Variants in SLCO1A2 observed in about 807,000 individuals in gnomAD.
The protein encoded by SLCO1A2 is OATP-1.
In SLCO1A2, 67 loss-of-function variants were observed where a neutral mutation model predicts 69.0. The observed-to-expected ratio is 0.97, with a 90% CI of 0.80 to 1.19. The LOEUF (loss-of-function observed/expected upper bound fraction) is 1.19. Among genes scored for constraint, SLCO1A2 ranks in the 50% most tolerant of loss-of-function variants. SLCO1A2 has a pLI of 0.00. For synonymous variants in SLCO1A2, 260 were observed against 265.9 expected, an observed-to-expected ratio of 0.98 and a Z score of 0.22; for missense variants, 787 against 793.7, an observed-to-expected ratio of 0.99 and a Z score of 0.10.
intron 1 of SLCO1A2, among the ~76,000 whole-genome samples, chr12:21,401,571 G>A (rs1472716679): frequency 6.6e-6 from 1 of 151,500 alleles, no homozygotes; most frequent in African/African-American, 2.4e-5. Context: ...TAATTTTATT[G>A]AGATACTAAT....
At chr12:21,274,049 T>C (rs959202189) in intron 14 of SLCO1A2, 4 of 152,808 alleles carry the variant, frequency 2.6e-5, no homozygotes, top group African/African-American at 9.7e-5. Flanking sequence ...AGGGAGAAAA[T>C]ATATGATTTT....
At chr12:21,301,306 T>C (rs779236405) in intron 6 of SLCO1A2, 37 bp from the exon 7 acceptor site, 57 of 1,407,620 alleles carry the variant, frequency 4.0e-5, no homozygotes, top group Non-Finnish European at 4.5e-5. Context: ...ATAGTACAGT[T>C]ATATGCCCAC....
At chr12:21,385,962 A>G (rs897621241) in intron 1 of SLCO1A2, among the ~76,000 whole-genome samples, 1 of 152,232 alleles carries the variant, frequency 6.6e-6, no homozygotes, top group Admixed American at 6.5e-5. Flanking sequence ...CCCTTGGAGT[A>G]CCCAGATATT....
intron 2 of SLCO1A2, among the ~76,000 whole-genome samples, chr12:21,347,140 A>T (rs576494905): frequency 6.6e-6 from 1 of 152,198 alleles, no homozygotes; most frequent in African/African-American, 2.4e-5. Flanking sequence ...CTGAGAAAAA[A>T]TTAGAAAAAA....
At chr12:21,416,386 A>ACG (rs397784242) in intron 1 of SLCO1A2, among the ~76,000 whole-genome samples, 32 of 151,048 alleles carry the variant, frequency 2.1e-4, no homozygotes, top group Non-Finnish European at 3.7e-4. Flanking sequence ...ACACACACAC[A>ACG]AAAGACAATA....
At chr12:21,270,172 T>C (rs1247920908) in intron 14 of SLCO1A2, among the ~76,000 whole-genome samples, 1 of 151,826 alleles carries the variant, frequency 6.6e-6, no homozygotes, top group Non-Finnish European at 1.5e-5. Flanking sequence ...TAGATGACCT[T>C]GATCAGATTA....
intron 1 of SLCO1A2, among the ~76,000 whole-genome samples, chr12:21,410,861 T>C (rs1941896676): frequency 6.6e-6 from 1 of 152,208 alleles, no homozygotes; most frequent in Non-Finnish European, 1.5e-5. Context: ...TTCATATGTT[T>C]ATTGGCTATT....
intron 2 of SLCO1A2, among the ~76,000 whole-genome samples, chr12:21,341,624 G>A (rs1214780855): frequency 6.6e-6 from 1 of 151,938 alleles, no homozygotes; most frequent in Non-Finnish European, 1.5e-5. Flanking sequence ...AAACTGGCCT[G>A]AGGCAGCCAT....
Position 21,312,113 on chromosome 12 carries a change from T to C in SLCO1A2, c.335+2436A>G, listed in dbSNP as rs538874835. ...AGGAAGGAGAAGAAGAAGAAGGCTG[T>C]TTCATCCACATTGAAAATCTGTTAT... On this transcript the variant is annotated intron_variant, in intron 4 of 14. Transcript: ENST00000683939. 7.9e-5 allele frequency among the ~76,000 whole-genome samples: 12 copies of C among 152,104 alleles called. 1 individual carries two copies. The South Asian group carries it at 2.5e-3, about 32-fold the overall frequency.
intron 4 of SLCO1A2, among the ~76,000 whole-genome samples, chr12:21,312,894 T>C (rs567316458): frequency 2.0e-5 from 3 of 150,594 alleles, no homozygotes; most frequent in East Asian, 1.9e-4. Context: ...GGCAATATGG[T>C]GAAATCCTGT....
intron 6 of SLCO1A2, among the ~76,000 whole-genome samples, chr12:21,304,226 A>G (rs1949069178): frequency 6.6e-6 from 1 of 152,196 alleles, no homozygotes; most frequent in Non-Finnish European, 1.5e-5. Flanking sequence ...CCAATAGTAG[A>G]AAGTAGATTT....
intron 1 of SLCO1A2, among the ~76,000 whole-genome samples, chr12:21,384,751 T>A (rs1479985762): frequency 1.3e-5 from 2 of 151,298 alleles, no homozygotes; most frequent in African/African-American, 4.9e-5. Context: ...AAAAAATATG[T>A]CCACTTAGTT....
intron 2 of SLCO1A2, among the ~76,000 whole-genome samples, chr12:21,364,358 T>C (rs538072352): frequency 6.6e-6 from 1 of 152,330 alleles, no homozygotes; most frequent in East Asian, 1.9e-4. Flanking sequence ...CTCTTCATGC[T>C]GAAAACTCTC....
intron 4 of SLCO1A2, among the ~76,000 whole-genome samples, chr12:21,309,330 A>G (rs539694732): frequency 6.6e-6 from 1 of 152,332 alleles, no homozygotes; most frequent in African/African-American, 2.4e-5. Context: ...CCAAATGTCC[A>G]GATTGAAGGC....
chr12:21,402,405 CT>C (rs1941736020), intron 1 of SLCO1A2, among the ~76,000 whole-genome samples: 1 of 151,942 alleles, frequency 6.6e-6, no homozygotes, highest in Admixed American at 6.6e-5. Context: ...TTATTATAAT[CT>C]TTTTATAAAA....
At chr12:21,293,089 G>T (rs1358655382) in intron 11 of SLCO1A2, among the ~76,000 whole-genome samples, 2 of 152,126 alleles carry the variant, frequency 1.3e-5, no homozygotes, top group Non-Finnish European at 2.9e-5. Context: ...CGGATCACAA[G>T]GTCAGGAGTT....
chr12:21,318,702 A>T, intron 3 of SLCO1A2, 80 bp downstream of exon 3: 1 of 1,277,640 alleles, frequency 7.8e-7, no homozygotes, highest in Non-Finnish European at 1.1e-6. Flanking sequence ...CTAAAACAGC[A>T]AATAAGGAGA....
chr12:21,409,407 C>T (rs1003380617), intron 1 of SLCO1A2, among the ~76,000 whole-genome samples: 13 of 152,300 alleles, frequency 8.5e-5, no homozygotes, highest in African/African-American at 2.9e-4. Flanking sequence ...TTTACTGGAA[C>T]ACAGCCACGT....
chr12:21,279,862 A>G (rs1212421363), intron 12 of SLCO1A2, among the ~76,000 whole-genome samples: 1 of 152,232 alleles, frequency 6.6e-6, no homozygotes, highest in Non-Finnish European at 1.5e-5. Flanking sequence ...TAAAAGATGA[A>G]CCAATCAAAA....
Sources: allele counts gnomAD v4.1 joint callset (sites outside exome capture counted in the v4.1 genomes callset), GRCh38; gene constraint gnomAD v4.1.1; transcripts MANE v1.5; gene names NCBI Gene and HGNC (gene_info 2026-07-23, HGNC 2026-07-21).